The following OR2C1 variants were observed in gnomAD, a reference collection of about 807,000 sequenced individuals.
The protein encoded by OR2C1 is olfactory receptor 2C1.
For synonymous variants in OR2C1, 209 were observed against 167.3 expected, an observed-to-expected ratio of 1.25 and a Z score of -1.92; for missense variants, 468 against 388.3, an observed-to-expected ratio of 1.21 and a Z score of -1.73.
chr16:3,356,942 C>T lies in OR2C1; in HGVS notation c.*63C>T. On this transcript the variant is annotated 3_prime_UTR_variant, in exon 1 of 1. Coordinates refer to ENST00000304936, the MANE Select transcript of OR2C1 (RefSeq NM_012368.3). ...TACATGCGTTTCTCATTAACTCTCT[C>T]TGGCCAGGTGAACATGAGGAATACT... The T allele has an allele frequency of 7.4e-7, 1 of 1,348,996 alleles. No individual in the cohort carries two copies. Among genetic ancestry groups the T allele is most frequent in the Non-Finnish European group, 1.0e-6 (1 of 998,118 alleles). The allele number at this position is 1,348,996 out of a possible 1,614,324, so 83.6% of individuals were successfully genotyped here.
the OR2C1 span, chr16:3,323,538 T>G: frequency 2.7e-6 from 2 of 752,246 alleles, no homozygotes; most frequent in Admixed American, 1.7e-5. Flanking sequence ...ATACGCAGCA[T>G]TTTTAGGTTC....
In OR2C1 at chr16:3,356,766, C is replaced by G. The variant is rs1428780440; in HGVS notation, c.826C>G (p.Leu276Val). The G allele has an allele frequency of 6.2e-7, 1 of 1,614,210 alleles. No individual in the cohort carries two copies. The highest frequency in any genetic ancestry group is 8.5e-7 in the Non-Finnish European group (1 of 1,180,028). ...ACAGGACCAGGGCAAGTTCATTTCCCTGTTCTACTCGTTGGTCACACCCAT... is the reference window on the plus strand; with the variant it reads ...ACAGGACCAGGGCAAGTTCATTTCCGTGTTCTACTCGTTGGTCACACCCAT... ...SKQDQGKFISLFYSLVTPMVN... is the reference protein window; with the variant it reads ...SKQDQGKFISVFYSLVTPMVN... The change falls in exon 1 of 1, where the codon CTG becomes GTG. Residue 276 changes from leucine (L) to valine (V), a missense_variant. Physicochemically the swap from Leu to Val is conservative, Grantham distance 32. Transcript: ENST00000304936.
chr16:3,326,533 C>T, the OR2C1 span, among the ~76,000 whole-genome samples: 1 of 152,324 alleles, frequency 6.6e-6, no homozygotes, highest in African/African-American at 2.4e-5. Context: ...GTGTAGCAGA[C>T]ATTTGTTGAC....
the OR2C1 span, among the ~76,000 whole-genome samples, chr16:3,330,743 A>G: frequency 6.6e-6 from 1 of 151,944 alleles, no homozygotes; most frequent in Non-Finnish European, 1.5e-5. Context: ...TCTTCTAGCT[A>G]TTTATTTTTA....
the OR2C1 span, among the ~76,000 whole-genome samples, chr16:3,327,704 T>G: frequency 6.6e-6 from 1 of 151,886 alleles, no homozygotes; most frequent in East Asian, 1.9e-4. Context: ...GCTTCATTCA[T>G]TAAGAGTTCA....
upstream of OR2C1, among the ~76,000 whole-genome samples, chr16:3,351,226 CTTT>C (rs146153498): frequency 7.5e-5 from 1 of 13,272 alleles, no homozygotes; most frequent in Non-Finnish European, 2.2e-4. Context: ...TTTTCTTTTT[CTTT>C]TTTTTTTTTT....
the OR2C1 span, among the ~76,000 whole-genome samples, chr16:3,332,226 TA>T: frequency 6.6e-6 from 1 of 151,874 alleles, no homozygotes; most frequent in Non-Finnish European, 1.5e-5. Flanking sequence ...TAAAGTATAA[TA>T]ATAATCAATT....
chr16:3,347,599 GACAA>G, the OR2C1 span, among the ~76,000 whole-genome samples: 14 of 151,708 alleles, frequency 9.2e-5, no homozygotes, highest in African/African-American at 1.9e-4. Context: ...CCTGTTTGCA[GACAA>G]ACAAATATGT....
upstream of OR2C1, chr16:3,355,864 T>C (rs2030657265): frequency 9.5e-7 from 1 of 1,049,998 alleles, no homozygotes; most frequent in Non-Finnish European, 1.4e-6. Context: ...ATCCACCTCA[T>C]CCAACAGCTT....
At chr16:3,347,862 GCA>G in the OR2C1 span, among the ~76,000 whole-genome samples, 1 of 34,960 alleles carries the variant, frequency 2.9e-5, no homozygotes, top group African/African-American at 1.0e-4. Context: ...GCACACACGC[GCA>G]CACACACACG....
chr16:3,329,468 G>C, the OR2C1 span, among the ~76,000 whole-genome samples: 1 of 152,064 alleles, frequency 6.6e-6, no homozygotes, highest in Middle Eastern at 3.4e-3. Flanking sequence ...TTATTATTTT[G>C]AGACAGAGTC....
At chr16:3,338,902 A>G in the OR2C1 span, among the ~76,000 whole-genome samples, 1 of 152,172 alleles carries the variant, frequency 6.6e-6, no homozygotes, top group Non-Finnish European at 1.5e-5. Context: ...TGAAGAATTT[A>G]ATGACATTTA....
the OR2C1 span, among the ~76,000 whole-genome samples, chr16:3,347,819 A>C: frequency 8.1e-6 from 1 of 123,996 alleles, no homozygotes; most frequent in Non-Finnish European, 1.9e-5. Context: ...TGCACACACG[A>C]ACACACATGC....
the OR2C1 span, among the ~76,000 whole-genome samples, chr16:3,347,287 C>T: frequency 2.8e-5 from 4 of 142,610 alleles, no homozygotes; most frequent in Non-Finnish European, 6.1e-5. Context: ...GATGGTGGCT[C>T]AGGAGGCTGA....
chr16:3,344,441 T>G, the OR2C1 span, among the ~76,000 whole-genome samples: 1 of 151,870 alleles, frequency 6.6e-6, no homozygotes, highest in Non-Finnish European at 1.5e-5. Flanking sequence ...ATTAGAAAAT[T>G]TGATGGCCGG....
chr16:3,325,769 T>A, the OR2C1 span, among the ~76,000 whole-genome samples: 1 of 151,680 alleles, frequency 6.6e-6, no homozygotes, highest in East Asian at 1.9e-4. Context: ...TTTCACTATG[T>A]TTTTGCTTTG....
chr16:3,357,938 G>A (rs2030710714), downstream of OR2C1, among the ~76,000 whole-genome samples: 1 of 151,808 alleles, frequency 6.6e-6, no homozygotes, highest in East Asian at 1.9e-4. Context: ...CTGAGATCGT[G>A]CCATTGCACT....
chr16:3,323,495 T>C, the OR2C1 span: 1 of 737,658 alleles, frequency 1.4e-6, no homozygotes, highest in Non-Finnish European at 2.5e-6. Context: ...AGACTTCAGA[T>C]TTGGAAATCC....
upstream of OR2C1, among the ~76,000 whole-genome samples, chr16:3,352,351 G>A (rs1596413793): frequency 6.6e-6 from 1 of 152,020 alleles, no homozygotes; most frequent in Admixed American, 6.6e-5. Context: ...TCCTGACCTC[G>A]TGATCCACCC....
Sources: gnomAD v4.1 joint callset for allele counts (sites outside exome capture counted in the v4.1 genomes callset) on GRCh38, gnomAD v4.1.1 for gene constraint, MANE v1.5 for transcripts, NCBI Gene and HGNC (gene_info 2026-07-23, HGNC 2026-07-21) for gene names.